The following ARB2A variants were observed in gnomAD, a reference collection of about 807,000 sequenced individuals.
The protein encoded by ARB2A is cotranscriptional regulator ARB2A.
the ARB2A span, chr5:93,741,656 T>TG: frequency 7.2e-7 from 1 of 1,393,878 alleles, no homozygotes; most frequent in Non-Finnish European, 9.4e-7. Flanking sequence ...CGCCCCCCAG[T>TG]GGGCGGAGAA....
chr5:93,830,633 T>A, the ARB2A span, among the ~76,000 whole-genome samples: 1 of 151,872 alleles, frequency 6.6e-6, no homozygotes, highest in African/African-American at 2.4e-5. Context: ...ACTGTTGGGA[T>A]CCTATTTGTC....
At chr5:94,102,585 C>T in the ARB2A span, among the ~76,000 whole-genome samples, 1 of 152,066 alleles carries the variant, frequency 6.6e-6, no homozygotes, top group African/African-American at 2.4e-5. Context: ...GAGAAAGCAA[C>T]TTAGAAAACA....
At chr5:93,955,814 T>C in the ARB2A span, among the ~76,000 whole-genome samples, 2 of 152,142 alleles carry the variant, frequency 1.3e-5, no homozygotes, top group South Asian at 2.1e-4. Context: ...CAGGACCCTG[T>C]GCTCACTCTG....
At chr5:93,643,580 C>T in the ARB2A span, among the ~76,000 whole-genome samples, 23 of 152,078 alleles carry the variant, frequency 1.5e-4, no homozygotes, top group Admixed American at 2.6e-4. Flanking sequence ...CTGCAACCTC[C>T]GCCTCCTGGG....
chr5:94,098,918 A>G, the ARB2A span, among the ~76,000 whole-genome samples: 1 of 152,152 alleles, frequency 6.6e-6, no homozygotes, highest in Non-Finnish European at 1.5e-5. Flanking sequence ...CCCTCCCAAG[A>G]CGGAGCCAGA....
chr5:94,062,293 G>A, the ARB2A span, among the ~76,000 whole-genome samples: 1 of 152,114 alleles, frequency 6.6e-6, no homozygotes, highest in African/African-American at 2.4e-5. Context: ...CTTCAAGAAG[G>A]CTGCCTAGAG....
the ARB2A span, among the ~76,000 whole-genome samples, chr5:93,905,589 T>G: frequency 6.6e-6 from 1 of 151,762 alleles, no homozygotes; most frequent in Admixed American, 6.6e-5. Context: ...TAAGAGTCAT[T>G]AAACAAATAT....
the ARB2A span, among the ~76,000 whole-genome samples, chr5:94,082,930 T>C: frequency 6.6e-6 from 1 of 152,150 alleles, no homozygotes; most frequent in African/African-American, 2.4e-5. Flanking sequence ...GTTACAGTGG[T>C]TATTTACTTT....
the ARB2A span, among the ~76,000 whole-genome samples, chr5:93,682,185 G>C: frequency 6.6e-6 from 1 of 150,388 alleles, no homozygotes; most frequent in Non-Finnish European, 1.5e-5. Flanking sequence ...TAATAAATTT[G>C]GCAAAACATC....
the ARB2A span, among the ~76,000 whole-genome samples, chr5:93,794,825 T>C: frequency 1.3e-5 from 2 of 151,740 alleles, no homozygotes; most frequent in African/African-American, 4.8e-5. Context: ...AGCAAGGGAG[T>C]GAAGTGGACT....
At chr5:94,020,640 G>A in the ARB2A span, among the ~76,000 whole-genome samples, 9 of 152,162 alleles carry the variant, frequency 5.9e-5, no homozygotes, top group Admixed American at 5.2e-4. Flanking sequence ...TGTGATTAGA[G>A]AGGGTACATA....
chr5:94,083,930 A>T, the ARB2A span, among the ~76,000 whole-genome samples: 1 of 152,152 alleles, frequency 6.6e-6, no homozygotes, highest in South Asian at 2.1e-4. Flanking sequence ...ATTTACAAAT[A>T]CTAGCAACAA....
the ARB2A span, among the ~76,000 whole-genome samples, chr5:93,799,399 C>T: frequency 7.4e-4 from 112 of 152,160 alleles, no homozygotes; most frequent in Non-Finnish European, 1.3e-3. Flanking sequence ...CTCTAAGACC[C>T]TTTCTGTCAG....
At chr5:93,876,248 C>T in the ARB2A span, among the ~76,000 whole-genome samples, 1 of 152,110 alleles carries the variant, frequency 6.6e-6, no homozygotes, top group African/African-American at 2.4e-5. Context: ...ATGACATTTT[C>T]TGTTTTCACT....
the ARB2A span, among the ~76,000 whole-genome samples, chr5:94,052,342 A>G: frequency 6.6e-6 from 1 of 152,244 alleles, no homozygotes; most frequent in Non-Finnish European, 1.5e-5. Flanking sequence ...ATAAAAATTA[A>G]TATCAGAGAA....
chr5:93,726,329 C>T, the ARB2A span, among the ~76,000 whole-genome samples: 1 of 152,046 alleles, frequency 6.6e-6, no homozygotes, highest in South Asian at 2.1e-4. Flanking sequence ...TGCCCTACCC[C>T]CAACCCCCTC....
chr5:93,669,743 C>A, the ARB2A span, among the ~76,000 whole-genome samples: 1 of 152,274 alleles, frequency 6.6e-6, no homozygotes, highest in East Asian at 1.9e-4. Flanking sequence ...GCCTGTTAGT[C>A]AACGGTGACT....
the ARB2A span, among the ~76,000 whole-genome samples, chr5:93,758,697 C>T: frequency 2.6e-4 from 39 of 152,074 alleles, no homozygotes; most frequent in South Asian, 8.3e-4. Context: ...TTGAACTGAA[C>T]GACAATAATG....
At chr5:93,875,314 C>T in the ARB2A span, among the ~76,000 whole-genome samples, 1 of 152,056 alleles carries the variant, frequency 6.6e-6, no homozygotes, top group South Asian at 2.1e-4. Flanking sequence ...TGGCTGCAAC[C>T]TCTGCCTCCT....
Sources: gnomAD v4.1 joint callset for allele counts (sites outside exome capture counted in the v4.1 genomes callset) on GRCh38, gnomAD v4.1.1 for gene constraint, MANE v1.5 for transcripts, NCBI Gene and HGNC (gene_info 2026-07-23, HGNC 2026-07-21) for gene names.